SLC14A2: variants seen among roughly 807,000 people sequenced by gnomAD.
SLC14A2 encodes the protein urea transporter 2.
Under a neutral mutation model 104.6 loss-of-function variants are expected in SLC14A2, and 91 were observed. The ratio of observed to expected loss-of-function variants is 0.87; its 90% CI spans 0.73 to 1.04. The LOEUF (loss-of-function observed/expected upper bound fraction) is 1.04, where lower values mean the gene tolerates loss of function less well. Among genes scored for constraint, SLC14A2 ranks in the 50% least tolerant of loss-of-function variants. SLC14A2 has a pLI of 0.00. For missense variants in SLC14A2, 1,189 were observed against 1,156.0 expected, an observed-to-expected ratio of 1.03 and a Z score of -0.41; for synonymous variants, 476 against 466.4, an observed-to-expected ratio of 1.02 and a Z score of -0.27.
intron 1 of SLC14A2, among the ~76,000 whole-genome samples, chr18:45,359,660 C>T (rs891454431): frequency 1.3e-5 from 2 of 152,192 alleles, no homozygotes; most frequent in African/African-American, 4.8e-5. Flanking sequence ...TTTGGGACAG[C>T]AATCACTGTG....
intron 1 of SLC14A2, among the ~76,000 whole-genome samples, chr18:45,615,836 TGAGAGAGA>T (rs779783446): frequency 2.7e-5 from 4 of 148,578 alleles, no homozygotes; most frequent in African/African-American, 7.6e-5. Flanking sequence ...TGTGTGTGTG[TGAGAGAGA>T]GAGAGAGAGA....
At chr18:45,468,389 A>C (rs1371307213) in intron 1 of SLC14A2, among the ~76,000 whole-genome samples, 1 of 152,086 alleles carries the variant, frequency 6.6e-6, no homozygotes, top group East Asian at 1.9e-4. Context: ...AAATGCATTT[A>C]ATCATCTAGA....
chr18:45,395,961 A>T (rs1270470146), intron 1 of SLC14A2, among the ~76,000 whole-genome samples: 5 of 152,144 alleles, frequency 3.3e-5, no homozygotes, highest in Non-Finnish European at 7.4e-5. Context: ...AATCAATGCA[A>T]TGGTCTTCAT....
At chr18:45,253,239 A>G (rs1217276844) in intron 1 of SLC14A2, among the ~76,000 whole-genome samples, 1 of 152,182 alleles carries the variant, frequency 6.6e-6, no homozygotes, top group Non-Finnish European at 1.5e-5. Context: ...GGAGGGTAAC[A>G]CTTTGAGAAC....
At chr18:45,392,209 C>A (rs1459481932) in intron 1 of SLC14A2, among the ~76,000 whole-genome samples, 1 of 152,172 alleles carries the variant, frequency 6.6e-6, no homozygotes, top group Non-Finnish European at 1.5e-5. Flanking sequence ...CCACTGTGGC[C>A]CCCCAGAGAA....
At chr18:45,342,090 A>C (rs1219110879) in intron 1 of SLC14A2, among the ~76,000 whole-genome samples, 1 of 152,214 alleles carries the variant, frequency 6.6e-6, no homozygotes, top group African/African-American at 2.4e-5. Context: ...GTTGATAAAA[A>C]TACTGTGACC....
At chr18:45,567,055 A>AGTGTGTGTGTGTGTGTGTGT (rs3058364) in intron 2 of SLC14A2, among the ~76,000 whole-genome samples, 3 of 139,902 alleles carry the variant, frequency 2.1e-5, no homozygotes, top group East Asian at 2.2e-4. Context: ...ATGTGCACAT[A>AGTGTGTGTGTGTGTGTGTGT]GTGTGTGTGT....
intron 1 of SLC14A2, among the ~76,000 whole-genome samples, chr18:45,267,925 T>A (rs2084609093): frequency 6.6e-6 from 1 of 152,176 alleles, no homozygotes; most frequent in African/African-American, 2.4e-5. Context: ...GATGTGCCTG[T>A]TTTGTGTTCT....
chr18:45,626,851 G>A, intron 3 of SLC14A2, 107 bp from the exon 4 acceptor site: 1 of 830,460 alleles, frequency 1.2e-6, no homozygotes, highest in Non-Finnish European at 1.9e-6. Flanking sequence ...GAATGGGAAG[G>A]GTCCTGGCTT....
chr18:45,665,452 A>C (rs188995586), intron 11 of SLC14A2, among the ~76,000 whole-genome samples: 1 of 152,310 alleles, frequency 6.6e-6, no homozygotes, highest in African/African-American at 2.4e-5. Context: ...ACAATTACAA[A>C]GGCTTGCCAA....
At chr18:45,248,917 T>C (rs923651355) in intron 1 of SLC14A2, among the ~76,000 whole-genome samples, 3 of 152,108 alleles carry the variant, frequency 2.0e-5, no homozygotes, top group African/African-American at 7.2e-5. Context: ...TGGAGGGAAA[T>C]GAGAGAAGAA....
chr18:45,270,227 T>G (rs2144118340), intron 1 of SLC14A2, among the ~76,000 whole-genome samples: 1 of 152,190 alleles, frequency 6.6e-6, no homozygotes, highest in African/African-American at 2.4e-5. Context: ...TCTGTGTGGG[T>G]TTCCTTTCCT....
At chr18:45,375,138 C>A (rs118150548) in intron 1 of SLC14A2, among the ~76,000 whole-genome samples, 5 of 152,198 alleles carry the variant, frequency 3.3e-5, no homozygotes, top group Admixed American at 2.6e-4. Context: ...TTGGGAGGAA[C>A]TTAGTTCATA....
chr18:45,512,645 A>G (rs1463547154), intron 2 of SLC14A2, among the ~76,000 whole-genome samples: 1 of 152,188 alleles, frequency 6.6e-6, no homozygotes, highest in South Asian at 2.1e-4. Flanking sequence ...AAGAGAGAAC[A>G]ATCTATTTCA....
At chr18:45,183,006 T>TAGAA in the SLC14A2 span, among the ~76,000 whole-genome samples, 1 of 152,150 alleles carries the variant, frequency 6.6e-6, no homozygotes, top group African/African-American at 2.4e-5. Flanking sequence ...GATTGGTGAC[T>TAGAA]AGAACAGTAT....
chr18:45,412,255 T>C (rs2086223338), intron 1 of SLC14A2, among the ~76,000 whole-genome samples: 1 of 152,198 alleles, frequency 6.6e-6, no homozygotes, highest in Non-Finnish European at 1.5e-5. Context: ...GGGATTTTTT[T>C]CCACAGTGAA....
chr18:45,268,078 T>C (rs561571600), intron 1 of SLC14A2, among the ~76,000 whole-genome samples: 1 of 152,308 alleles, frequency 6.6e-6, no homozygotes, highest in Admixed American at 6.5e-5. Context: ...ATTTGTTTCA[T>C]GCCCATTAAT....
intron 1 of SLC14A2, among the ~76,000 whole-genome samples, chr18:45,309,850 C>G: frequency 6.6e-6 from 1 of 152,134 alleles, no homozygotes; most frequent in Non-Finnish European, 1.5e-5. Flanking sequence ...CATGTCCCTC[C>G]TTTTGCCTCA....
At chr18:45,307,439 A>G (rs2085034935) in intron 1 of SLC14A2, among the ~76,000 whole-genome samples, 1 of 150,960 alleles carries the variant, frequency 6.6e-6, no homozygotes, top group Non-Finnish European at 1.5e-5. Flanking sequence ...AAAAAAACCA[A>G]AAAACCAAAA....
Sources: allele counts gnomAD v4.1 joint callset (sites outside exome capture counted in the v4.1 genomes callset), GRCh38; gene constraint gnomAD v4.1.1; transcripts MANE v1.5; gene names NCBI Gene and HGNC (gene_info 2026-07-23, HGNC 2026-07-21).